SNAPC4: variants seen among roughly 807,000 people sequenced by gnomAD.
SNAPC4 encodes the protein snRNA-activating protein complex subunit 4.
In SNAPC4, 127 loss-of-function variants were observed where a neutral mutation model predicts 151.3. That is an observed-to-expected ratio of 0.84 (90% CI 0.73 to 0.97). The LOEUF (loss-of-function observed/expected upper bound fraction) is 0.97. Ranked by LOEUF, SNAPC4 falls within the 50% of genes least tolerant of loss-of-function variation. The pLI is 0.00. For missense variants in SNAPC4, 2,186 were observed against 1,935.0 expected (o/e 1.13, Z -2.43); for synonymous variants, 1,002 against 824.4 (o/e 1.22, Z -3.69).
Position 136,378,015 on chromosome 9 carries a change from A to G in SNAPC4, c.3812T>C (p.Leu1271Pro). 1.3e-6 allele frequency: 2 copies of G among 1,594,402 alleles called. No homozygotes were observed. The highest frequency in any genetic ancestry group is 4.5e-5 in the East Asian group (2 of 44,148). Reference sequence around the variant, plus strand: ...CTCGCCCTCCTGGGACAGCAGGCCCAGGTCCAGGGCCCCCTTCTCAGGCCC... The same window carrying G: ...CTCGCCCTCCTGGGACAGCAGGCCCGGGTCCAGGGCCCCCTTCTCAGGCCC... Reference protein sequence around the residue: ...QPGPEKGALDLGLLSQEGEAA... With the variant: ...QPGPEKGALDPGLLSQEGEAA... Residue 1271 changes from leucine (L) to proline (P), a missense_variant, in exon 22 of 24, where the codon CTG becomes CCG. Transcript: ENST00000684778.
At chr9:136,395,904 AG>A in intron 3 of SNAPC4, 134 bp from the exon 4 acceptor site, 3 of 874,188 alleles carry the variant, frequency 3.4e-6, no homozygotes, top group Non-Finnish European at 5.3e-6. Flanking sequence ...ATGTGGAAGC[AG>A]GAAGTGACCC....
rs1374730932 is a variant in SNAPC4, at chr9:136,376,488, G to A, written c.4285-7C>T. ...TACCAGAGTCTGGGGCTCCCTGAAA[G>A]AAAATCCAGGCAGTGGGGACAAGAG... On this transcript the variant is annotated splice_polypyrimidine_tract_variant and splice_region_variant and intron_variant, in intron 22 of 23. Coordinates refer to ENST00000684778, the MANE Select transcript of SNAPC4 (RefSeq NM_003086.4). 1 of 1,612,894 alleles carries A rather than the reference G, an allele frequency of 6.2e-7. No individual in the cohort carries two copies. The highest frequency in any genetic ancestry group is 1.7e-4 in the Middle Eastern group (1 of 6,056).
At position 136,378,839 on chromosome 9, in the gene SNAPC4, G is replaced by C. The variant is rs754164260; in HGVS notation, c.2988C>G (p.Ala996=). 2 of 1,604,918 alleles carry C rather than the reference G, an allele frequency of 1.2e-6. No individual in the cohort carries two copies. Among genetic ancestry groups the C allele is most frequent in the Non-Finnish European group, 1.7e-6 (2 of 1,176,000 alleles). ...ALPLAPVFSE[A]EGTAPAASQA... ...GGGAAGCAGCAGGGGCTGTGCCCTCGGCCTCTGAGAAGACAGGAGCGAGGG... is the reference window on the plus strand; with the variant it reads ...GGGAAGCAGCAGGGGCTGTGCCCTCCGCCTCTGAGAAGACAGGAGCGAGGG... Residue 996 remains alanine (A), a synonymous_variant, in exon 22 of 24, where the codon GCC becomes GCG. Coordinates refer to ENST00000684778, the MANE Select transcript of SNAPC4 (RefSeq NM_003086.4).
In SNAPC4 at chr9:136,378,446, G is replaced by C; in HGVS notation, c.3381C>G (p.Ala1127=). The stretch of plus-strand genomic sequence containing the variant: ...GCTGCCAAGAGCTGCTCAACGCTGG[G>C]GCCCTGGGGCCCTGGGCCGCCCGAG... ...TETRAAQGPR[A]PALSSSWQPP... is the part of the protein sequence containing the mutation. Residue 1127 remains alanine (A), a synonymous_variant, in exon 22 of 24, where the codon GCC becomes GCG. Coordinates refer to ENST00000684778, the MANE Select transcript of SNAPC4 (RefSeq NM_003086.4). 6.3e-7 allele frequency: 1 copy of C among 1,589,666 alleles called. No individual in the cohort carries two copies. Among genetic ancestry groups the C allele is most frequent in the African/African-American group, 1.3e-5 (1 of 74,554 alleles).
intron 21 of SNAPC4, 129 bp downstream of exon 21, chr9:136,379,708 G>C: frequency 1.1e-6 from 1 of 872,844 alleles, no homozygotes; most frequent in Non-Finnish European, 1.9e-6. Flanking sequence ...ACTCGAGGGA[G>C]CTCTGTCACC....
At chr9:136,376,573 T>A in intron 22 of SNAPC4, 92 bp from the exon 23 acceptor site, 1 of 1,492,000 alleles carries the variant, frequency 6.7e-7, no homozygotes, top group East Asian at 2.3e-5. Flanking sequence ...GCCCTGTGGG[T>A]GAGTGTCCCA....
chr9:136,378,351 G>C lies in SNAPC4; in HGVS notation c.3476C>G (p.Ala1159Gly). 6.2e-7 allele frequency: 1 copy of C among 1,609,384 alleles called. No homozygotes were observed. The highest frequency in any genetic ancestry group is 1.1e-5 in the South Asian group (1 of 90,302). Residue 1159 changes from alanine (A) to glycine (G), a missense_variant, in exon 22 of 24, where the codon GCC (alanine) becomes GGC (glycine). Coordinates refer to ENST00000684778, the MANE Select transcript of SNAPC4 (RefSeq NM_003086.4). Reference sequence around the variant, plus strand: ...CGCTTCTGCAGGACTTTGGGAGAGGGCGTGTGTGGGAGGAGCTGGGGTGTC... The same window carrying C: ...CGCTTCTGCAGGACTTTGGGAGAGGCCGTGTGTGGGAGGAGCTGGGGTGTC... ...RTDTPAPPTH[A>G]LSQSPAEADG...
intron 1 of SNAPC4, among the ~76,000 whole-genome samples, chr9:136,399,200 G>A (rs994734654): frequency 2.6e-5 from 4 of 152,218 alleles, no homozygotes; most frequent in African/African-American, 7.2e-5. Context: ...CAACAACAAA[G>A]AGAAACGCCC....
rs1211632993 is a variant in SNAPC4 at position 136,383,375 on chromosome 9, G to A, written c.1794C>T (p.Leu598=). 1.9e-6 allele frequency: 3 copies of A among 1,600,168 alleles called. No homozygotes were observed. The highest frequency in any genetic ancestry group is 1.1e-5 in the South Asian group (1 of 89,612). ...GAWLGGPAAS[L]SPPKGSSASQ... ...TGGCACTGGACCCCTTGGGAGGGCT[G>A]AGGGAGGCAGCGGGGCCTCCCAGCC... Residue 598 remains leucine, a synonymous_variant, in exon 16 of 24, where the codon CTC becomes CTT. Transcript: ENST00000684778. This position sits in a 1 kb window ranked among gnomAD's most constrained non-coding sequence, Gnocchi z 4.2.
rs1834247888 is a variant in SNAPC4, at chr9:136,395,779, G to A, written c.178-9C>T. 1.2e-6 allele frequency: 2 copies of A among 1,607,612 alleles called. No homozygotes were observed. The highest frequency in any genetic ancestry group is 1.7e-6 in the Non-Finnish European group (2 of 1,175,636). On this transcript the variant is annotated splice_polypyrimidine_tract_variant and intron_variant, in intron 3 of 23. Coordinates refer to ENST00000684778, the MANE Select transcript of SNAPC4 (RefSeq NM_003086.4). ...CCCCACCTTTCTTCTTCCTGGTAACGAGCCAGAAATGGCATGTGACGAGAT... is the reference window on the plus strand; with the variant it reads ...CCCCACCTTTCTTCTTCCTGGTAACAAGCCAGAAATGGCATGTGACGAGAT...
In SNAPC4 at chr9:136,378,455, G is replaced by A. The variant is rs1488926910; in HGVS notation, c.3372C>T (p.Gly1124=). Residue 1124 remains glycine, a synonymous_variant, in exon 22 of 24, where the codon GGC becomes GGT. Transcript: ENST00000684778. ...AGCTGCTCAACGCTGGGGCCCTGGG[G>A]CCCTGGGCCGCCCGAGTCTCAGTCA... ...PPLTETRAAQ[G]PRAPALSSSW... is the part of the protein sequence containing the mutation. The A allele has an allele frequency of 1.3e-6, 2 of 1,588,210 alleles. No homozygotes were observed. Among genetic ancestry groups the A allele is most frequent in the Non-Finnish European group, 1.7e-6 (2 of 1,171,704 alleles).
intron 3 of SNAPC4, among the ~76,000 whole-genome samples, chr9:136,396,271 C>T (rs58054608): frequency 0.011 from 1,633 of 152,308 alleles, 24 homozygotes; most frequent in African/African-American, 0.036. Context: ...CACACAGCCA[C>T]GCAAACATGA....
At chr9:136,388,339 C>T in intron 11 of SNAPC4, 105 bp downstream of exon 11, 4 of 1,203,558 alleles carry the variant, frequency 3.3e-6, no homozygotes, top group African/African-American at 1.5e-5. Context: ...TGTCTAAGCC[C>T]TCGTCTGTCT....
intron 5 of SNAPC4, 121 bp downstream of exon 5, chr9:136,395,177 G>T: frequency 7.8e-7 from 1 of 1,290,130 alleles, no homozygotes; most frequent in Non-Finnish European, 1.1e-6. Context: ...GTTTGAAGGA[G>T]GTTGGCCAAT....
intron 13 of SNAPC4, among the ~76,000 whole-genome samples, chr9:136,385,081 C>G (rs1833847241): frequency 6.6e-6 from 1 of 152,216 alleles, no homozygotes; most frequent in South Asian, 2.1e-4. Context: ...ATGAAGAACT[C>G]TTACAAGTCA....
chr9:136,380,885 C>T, intron 19 of SNAPC4, 35 bp from the exon 20 acceptor site: 1 of 1,277,810 alleles, frequency 7.8e-7, no homozygotes, highest in Admixed American at 1.7e-5. Context: ...ACCATAGCTG[C>T]TTTCGGGAGC....
chr9:136,387,477 C>T lies in SNAPC4; in HGVS notation c.1325+8G>A, dbSNP rs201519313. 19 of 1,593,320 alleles carry T rather than the reference C, an allele frequency of 1.2e-5. 1 individual carries two copies. Among genetic ancestry groups the T allele is most frequent in the South Asian group, 7.7e-5 (7 of 90,688 alleles). On this transcript the variant is annotated splice_region_variant and intron_variant, in intron 13 of 23. Transcript: ENST00000684778. ...GGCCCCTCCCTCGCTCAGCGCTGTGCGACTCACCGATCTCGGCACTGGGCA... is the reference window on the plus strand; with the variant it reads ...GGCCCCTCCCTCGCTCAGCGCTGTGTGACTCACCGATCTCGGCACTGGGCA...
intron 10 of SNAPC4, among the ~76,000 whole-genome samples, chr9:136,389,101 C>T (rs1833985469): frequency 6.6e-6 from 1 of 152,172 alleles, no homozygotes; most frequent in Non-Finnish European, 1.5e-5. Context: ...GAAGAGAGTG[C>T]CCCAAAATGA....
rs770245394 is a variant in SNAPC4 at position 136,381,331 on chromosome 9, C to A, written c.2379G>T (p.Leu793=). The change falls in exon 19 of 24, where the codon CTG becomes CTT. Residue 793 remains leucine, a synonymous_variant. Transcript: ENST00000684778. ...TGCCCAAGTAGCTTACCTGGGTAAA[C>A]AGGGTAAACACAGGGGTGCTGGCCA... The part of the protein sequence containing the change: ...ARLASTPVFT[L]FTQLFHIDTA... The A allele has an allele frequency of 2.5e-6, 4 of 1,612,318 alleles. No homozygotes were observed. The highest frequency in any genetic ancestry group is 3.3e-4 in the Middle Eastern group (2 of 6,076).
Sources: allele counts gnomAD v4.1 joint callset (sites outside exome capture counted in the v4.1 genomes callset), GRCh38; gene constraint gnomAD v4.1.1; non-coding constraint Gnocchi (gnomAD v3.1); transcripts MANE v1.5; gene names NCBI Gene and HGNC (gene_info 2026-07-23, HGNC 2026-07-21).